ST18: variants seen among roughly 807,000 people sequenced by gnomAD.
ST18 encodes the protein ST18 C2H2C-type zinc finger transcription factor.
A neutral mutation model predicts 110.0 loss-of-function variants in ST18; 50 were observed. The ratio of observed to expected loss-of-function variants is 0.45; its 90% CI spans 0.36 to 0.58. ST18 has a LOEUF of 0.58. ST18 is among the 20% of genes least tolerant of loss of function. The pLI is 0.00. For missense variants in ST18, 1,306 were observed against 1,280.1 expected (o/e 1.02, Z -0.31); for synonymous variants, 461 against 452.4 (o/e 1.02, Z -0.24).
chr8:52,314,285 G>C (rs893642811), intron 2 of ST18, among the ~76,000 whole-genome samples: 1 of 152,220 alleles, frequency 6.6e-6, no homozygotes, highest in African/African-American at 2.4e-5. Context: ...ACACAGGACT[G>C]TGTGCCGCTG....
chr8:52,357,917 CAT>C (rs1304081336), intron 2 of ST18, among the ~76,000 whole-genome samples: 1 of 150,942 alleles, frequency 6.6e-6, no homozygotes, highest in Non-Finnish European at 1.5e-5. Flanking sequence ...CTCAAGCACA[CAT>C]AGATTATTCT....
chr8:52,198,082 C>T (rs192681742), intron 8 of ST18, among the ~76,000 whole-genome samples: 28 of 152,216 alleles, frequency 1.8e-4, no homozygotes, highest in Middle Eastern at 3.4e-3. Context: ...TGTGCAGTGG[C>T]GCGATCTCGG....
chr8:52,323,898 T>G (rs1564496414), intron 2 of ST18, among the ~76,000 whole-genome samples: 1 of 152,200 alleles, frequency 6.6e-6, no homozygotes, highest in Non-Finnish European at 1.5e-5. Context: ...TTTGTTCCCC[T>G]AACTGCAGCC....
intron 2 of ST18, among the ~76,000 whole-genome samples, chr8:52,378,270 G>A (rs1758066144): frequency 6.6e-6 from 1 of 152,098 alleles, no homozygotes; most frequent in Non-Finnish European, 1.5e-5. Flanking sequence ...CTAATACAAA[G>A]AAATGATACA....
At chr8:52,381,014 G>A (rs753809547) in intron 2 of ST18, among the ~76,000 whole-genome samples, 6 of 152,196 alleles carry the variant, frequency 3.9e-5, no homozygotes, top group Non-Finnish European at 5.9e-5. Context: ...AATACAGCAA[G>A]TGTTAAGAGA....
intron 2 of ST18, among the ~76,000 whole-genome samples, chr8:52,259,257 A>G (rs2094610271): frequency 6.6e-6 from 1 of 152,160 alleles, no homozygotes; most frequent in African/African-American, 2.4e-5. Flanking sequence ...TGCAAGTTTG[A>G]CTTCTGGGTC....
chr8:52,323,496 A>G (rs1804922026), intron 2 of ST18, among the ~76,000 whole-genome samples: 1 of 152,126 alleles, frequency 6.6e-6, no homozygotes, highest in South Asian at 2.1e-4. Context: ...CTCTCTTCTT[A>G]AAGCTTCCCT....
rs534479936 is a variant in ST18, at chr8:52,200,082, G to GT, written c.86+11996dup. Among the ~76,000 whole-genome samples the GT allele has an allele frequency of 1.7e-3, 262 of 151,358 alleles. 4 individuals carry two copies. The South Asian group carries it at 0.043, about 25-fold the overall frequency. On this transcript the variant is annotated intron_variant, in intron 8 of 25. Coordinates refer to ENST00000689386, the MANE Select transcript of ST18 (RefSeq NM_001352837.2). The stretch of plus-strand genomic sequence containing the variant: ...ATAGCACTCAGAACACATTTATTCA[G>GT]TTTTTTTTTATTAGCTCCTATAATG...
intron 5 of ST18, among the ~76,000 whole-genome samples, chr8:52,220,049 C>G (rs1396287331): frequency 6.6e-6 from 1 of 152,192 alleles, no homozygotes; most frequent in Non-Finnish European, 1.5e-5. Context: ...CTCAGAGTCA[C>G]AGCTTTGTGA....
intron 2 of ST18, among the ~76,000 whole-genome samples, chr8:52,375,556 A>G (rs1036238805): frequency 6.6e-6 from 1 of 152,016 alleles, no homozygotes; most frequent in Non-Finnish European, 1.5e-5. Context: ...TTTCTTCTCA[A>G]TTCCCTTCAC....
At chr8:52,117,810 G>C (rs2043079014) in intron 24 of ST18, among the ~76,000 whole-genome samples, 1 of 152,148 alleles carries the variant, frequency 6.6e-6, no homozygotes, top group Non-Finnish European at 1.5e-5. Context: ...AAAAATCTTG[G>C]ACTGAACTGT....
intron 2 of ST18, among the ~76,000 whole-genome samples, chr8:52,367,725 A>T (rs1054955186): frequency 6.6e-6 from 1 of 152,218 alleles, no homozygotes; most frequent in African/African-American, 2.4e-5. Flanking sequence ...TAACAAGTTA[A>T]GCAAACCTGA....
At chr8:52,232,544 T>G (rs977751154) in intron 2 of ST18, among the ~76,000 whole-genome samples, 2 of 152,154 alleles carry the variant, frequency 1.3e-5, no homozygotes, top group African/African-American at 2.4e-5. Context: ...GCAACGTGTT[T>G]CTTAAATACA....
At chr8:52,151,178 T>A (rs528977523) in intron 15 of ST18, among the ~76,000 whole-genome samples, 12 of 152,170 alleles carry the variant, frequency 7.9e-5, no homozygotes, top group Non-Finnish European at 1.5e-4. Context: ...GTTTTAACTC[T>A]TCCCTTTAAA....
rs1342722966 is a variant in ST18 at position 52,110,977 on chromosome 8, T to C, written c.*2221A>G. ...CCTCAAATTAAAAAAAATGCATACA[T>C]CATTGCCTTTTTGTTTACAAAAGAC... On this transcript the variant is annotated 3_prime_UTR_variant, in exon 26 of 26. Coordinates refer to ENST00000689386, the MANE Select transcript of ST18 (RefSeq NM_001352837.2). The C allele has an allele frequency of 5.0e-6, 2 of 398,606 alleles. No individual in the cohort carries two copies. Among genetic ancestry groups the C allele is most frequent in the African/African-American group, 4.1e-5 (2 of 48,624 alleles). The allele number at this position is 398,606 out of a possible 1,614,324, so 24.7% of individuals were successfully genotyped here. A position where few individuals can be genotyped will look rare whatever the true frequency, so the allele number is the denominator to read the frequency against.
rs915283088 is a variant in ST18 at position 52,260,387 on chromosome 8, T to C, written c.-464-30310A>G. The stretch of plus-strand genomic sequence containing the variant: ...AACTGAATTATATATGGTCCATGCA[T>C]TTGGTACACAGCTCAATCACTCTGT... On this transcript the variant is annotated intron_variant, in intron 2 of 25. Transcript: ENST00000689386. Among the ~76,000 whole-genome samples, 11 of 151,980 alleles carry C rather than the reference T, an allele frequency of 7.2e-5. 1 individual carries two copies. The highest frequency in any genetic ancestry group is 5.8e-4 in the East Asian group (3 of 5,184).
At chr8:52,164,136 T>C (rs2062205711) in intron 12 of ST18, 46 bp from the exon 13 acceptor site, 3 of 1,539,106 alleles carry the variant, frequency 1.9e-6, no homozygotes, top group Non-Finnish European at 2.7e-6. Flanking sequence ...AAAATGATAA[T>C]ATGATTTGTT....
rs553730723 is a variant in ST18 at position 52,213,690 on chromosome 8, T to A, written c.55+513A>T. On this transcript the variant is annotated intron_variant, in intron 7 of 25. Coordinates refer to ENST00000689386, the MANE Select transcript of ST18 (RefSeq NM_001352837.2). ...TCTGTTGGTTACAAAAAGAGAGAGA[T>A]AACCAGCAAGTTAAACCTTCCAGAC... 9.8e-5 allele frequency among the ~76,000 whole-genome samples: 15 copies of A among 152,312 alleles called. No homozygotes were observed. In the East Asian group the frequency reaches 2.9e-3, roughly 29 times the overall value.
intron 2 of ST18, among the ~76,000 whole-genome samples, chr8:52,240,515 A>G (rs1364649029): frequency 6.6e-6 from 1 of 152,140 alleles, no homozygotes; most frequent in African/African-American, 2.4e-5. Flanking sequence ...CTTTCTAAGG[A>G]TGGGTTCTCC....
Sources: allele counts gnomAD v4.1 joint callset (sites outside exome capture counted in the v4.1 genomes callset), GRCh38; gene constraint gnomAD v4.1.1; transcripts MANE v1.5; gene names NCBI Gene and HGNC (gene_info 2026-07-23, HGNC 2026-07-21).